The following VPS51 variants were observed in gnomAD, a reference collection of about 807,000 sequenced individuals.
VPS51 encodes the protein vacuolar protein sorting-associated protein 51 homolog.
A neutral mutation model predicts 65.1 loss-of-function variants in VPS51; 55 were observed. That is an observed-to-expected ratio of 0.84 (90% confidence interval 0.68 to 1.06). The LOEUF is 1.06. VPS51 is among the 50% of genes least tolerant of loss of function. The pLI, the probability that VPS51 is intolerant of heterozygous loss-of-function variation, is 0.00. For synonymous variants in VPS51, 473 were observed against 489.5 expected (o/e 0.97, Z 0.44); for missense variants, 943 against 1,101.6 (o/e 0.86, Z 2.04).
chr11:65,099,885 C>T (rs1947796789), intron 2 of VPS51, among the ~76,000 whole-genome samples: 1 of 152,124 alleles, frequency 6.6e-6, no homozygotes, highest in African/African-American at 2.4e-5. Context: ...GGTGGATCAT[C>T]TGAGGTCAGG....
rs1167617231 is a variant in VPS51 at position 65,111,592 on chromosome 11, A to AGCCGCTGCCATGCACC, written c.*7_*22dup. The AGCCGCTGCCATGCACC allele has an allele frequency of 1.3e-6, 2 of 1,599,052 alleles. No homozygotes were observed. The highest frequency in any genetic ancestry group is 2.7e-5 in the African/African-American group (2 of 74,678). ...GTCATCTGCGAGCGCGGCTAGGCGC[A>AGCCGCTGCCATGCACC]GCCGCTGCCATGCACCGGTCTGTCC... On this transcript the variant is annotated 3_prime_UTR_variant, in exon 10 of 10. Transcript: ENST00000279281.
chr11:65,109,181 G>A (rs557845230), intron 5 of VPS51, 99 bp from the exon 6 acceptor site: 12 of 1,315,230 alleles, frequency 9.1e-6, no homozygotes, highest in Non-Finnish European at 1.3e-5. Flanking sequence ...GCTGTCCCTT[G>A]CAGAGGGGGC....
At position 65,108,878 on chromosome 11, in the gene VPS51, C is replaced by T; in HGVS notation, c.1407C>T (p.Ala469=). 1 of 1,613,060 alleles carries T rather than the reference C, an allele frequency of 6.2e-7. No individual in the cohort carries two copies. Among genetic ancestry groups the T allele is most frequent in the East Asian group, 2.2e-5 (1 of 44,876 alleles). Residue 469 remains alanine, a synonymous_variant, in exon 5 of 10, where the codon GCC becomes GCT. Transcript: ENST00000279281. ...TGGCAGCAGTGCACCTTTTCACCGCCAAAGAGGTGTCCTTCTCCAACAAGC... is the reference window on the plus strand; with the variant it reads ...TGGCAGCAGTGCACCTTTTCACCGCTAAAGAGGTGTCCTTCTCCAACAAGC... ...ASLAAVHLFT[A]KEVSFSNKPY... is the part of the protein sequence containing the mutation.
intron 2 of VPS51, among the ~76,000 whole-genome samples, chr11:65,102,668 C>T (rs1443809840): frequency 1.3e-5 from 2 of 152,190 alleles, no homozygotes; most frequent in African/African-American, 2.4e-5. Context: ...GTAAACAAAA[C>T]CAGTAATTCA....
rs184432473 is a variant in VPS51 at position 65,101,255 on chromosome 11, A to G, written c.358+4128A>G. ...TAAAAACCACTGAATTGGTATGTCA[A>G]TTATATCCCAATTAAAAAGAAAACC... On this transcript the variant is annotated intron_variant, in intron 2 of 9. Transcript: ENST00000279281. Among the ~76,000 whole-genome samples the G allele has an allele frequency of 1.3e-3, 195 of 152,334 alleles. 1 individual carries two copies. The highest frequency in any genetic ancestry group is 4.6e-3 in the African/African-American group (190 of 41,568).
Position 65,107,707 on chromosome 11 carries a change from A to T in VPS51, c.485A>T (p.Glu162Val). The T allele has an allele frequency of 6.2e-7, 1 of 1,609,242 alleles. No homozygotes were observed. The highest frequency in any genetic ancestry group is 8.5e-7 in the Non-Finnish European group (1 of 1,177,170). The change falls in exon 3 of 10, where the codon GAG becomes GTG. Residue 162 changes from glutamate (E) to valine (V), a missense_variant. Around this residue, in one of 2 missense-constraint regions of VPS51, gnomAD observed 855 missense variants for 953.7 expected, o/e 0.90. Transcript: ENST00000279281. The surrounding 1 kb of genome is among the most constrained non-coding windows in gnomAD (Gnocchi z 4.0). ...RISATLQDRH[E>V]RITKLAGVHA... ...AGCGCCACGCTGCAGGACCGCCACGAGCGCATCACCAAGCTGGCAGGTGGG... is the reference window on the plus strand; with the variant it reads ...AGCGCCACGCTGCAGGACCGCCACGTGCGCATCACCAAGCTGGCAGGTGGG...
rs750900091 is a variant in VPS51, at chr11:65,109,439, G to C, written c.1603G>C (p.Glu535Gln). ...GCTCTCCCGCCTCTGCCTGGACTAC[G>C]AGACGGCCACCATCTCCTACATCCT... ...LLLSRLCLDYETATISYILTL... is the reference protein window; with the variant it reads ...LLLSRLCLDYQTATISYILTL... The change falls in exon 6 of 10, where the codon GAG becomes CAG. Residue 535 changes from glutamate to glutamine, a missense_variant. This residue lies in a region of VPS51 where 855 missense variants were observed against 953.7 expected (regional missense o/e 0.90). Coordinates refer to ENST00000279281, the MANE Select transcript of VPS51 (RefSeq NM_013265.4). 3.1e-6 allele frequency: 5 copies of C among 1,609,472 alleles called. No individual in the cohort carries two copies. The highest frequency in any genetic ancestry group is 1.7e-5 in the Admixed American group (1 of 60,018).
chr11:65,096,499 G>A (rs770215985), intron 1 of VPS51, 21 bp downstream of exon 1: 6 of 1,127,542 alleles, frequency 5.3e-6, no homozygotes, highest in Non-Finnish European at 5.9e-6. Flanking sequence ...ACGGGGAGTG[G>A]GGGGGTGCGG....
At chr11:65,098,826 G>A (rs942103857) in intron 2 of VPS51, among the ~76,000 whole-genome samples, 1 of 152,148 alleles carries the variant, frequency 6.6e-6, no homozygotes, top group African/African-American at 2.4e-5. Flanking sequence ...AGCTCTTTTT[G>A]TACATCCCAC....
chr11:65,098,792 G>A (rs1452518537), intron 2 of VPS51, among the ~76,000 whole-genome samples: 2 of 152,226 alleles, frequency 1.3e-5, no homozygotes, highest in African/African-American at 2.4e-5. Flanking sequence ...TTGTTGGAAT[G>A]TGTATAATAA....
rs894797190 is a variant in VPS51 at position 65,107,412 on chromosome 11, C to G, written c.359-169C>G. The G allele has an allele frequency of 1.9e-5, 14 of 752,500 alleles. No homozygotes were observed. The highest frequency in any genetic ancestry group is 2.6e-4 in the Middle Eastern group (1 of 3,842). The allele number at this position is 752,500 out of a possible 1,614,324, so 46.6% of individuals were successfully genotyped here. The stretch of plus-strand genomic sequence containing the variant: ...CTTTGGGAACATAAACCCCCTCCCC[C>G]GCCCCCATGTGCGCTGTGACCCACG... On this transcript the variant is annotated intron_variant, in intron 2 of 9. Transcript: ENST00000279281. This position sits in a 1 kb window ranked among gnomAD's most constrained non-coding sequence, Gnocchi z 4.0.
In VPS51 at chr11:65,110,795, C is replaced by A; in HGVS notation, c.2088+14C>A. 6.2e-7 allele frequency: 1 copy of A among 1,614,064 alleles called. No homozygotes were observed. Among genetic ancestry groups the A allele is most frequent in the Non-Finnish European group, 8.5e-7 (1 of 1,179,972 alleles). On this transcript the variant is annotated intron_variant, in intron 9 of 9. Transcript: ENST00000279281. ...GAGTTCAACAAGGTCCGACTTCCAA[C>A]GTGACTCAGACTTCCAGGGATCCCG...
Position 65,107,563 on chromosome 11 carries a change from C to A in VPS51, c.359-18C>A, listed in dbSNP as rs1306353911. On this transcript the variant is annotated intron_variant, in intron 2 of 9. Transcript: ENST00000279281. This position sits in a 1 kb window ranked among gnomAD's most constrained non-coding sequence, Gnocchi z 4.0. ...GCAGTCACCTGCTCTCCCCTTTTCCCCGCCCCTGCCCTCCTAGACACCATC... is the reference window on the plus strand; with the variant it reads ...GCAGTCACCTGCTCTCCCCTTTTCCACGCCCCTGCCCTCCTAGACACCATC... 6 of 1,565,016 alleles carry A rather than the reference C, an allele frequency of 3.8e-6. No homozygotes were observed. The African/African-American group carries it at 6.7e-5, about 18-fold the overall frequency.
intron 9 of VPS51, chr11:65,111,041 C>A: frequency 1.5e-6 from 1 of 675,866 alleles, no homozygotes; most frequent in South Asian, 1.7e-5. Flanking sequence ...TTGTCCTTAT[C>A]CCCACAGTAG....
rs1170357525 is a variant in VPS51 at position 65,108,652 on chromosome 11, C to G, written c.1181C>G (p.Ala394Gly). 1 of 1,555,206 alleles carries G rather than the reference C, an allele frequency of 6.4e-7. No individual in the cohort carries two copies. Among genetic ancestry groups the G allele is most frequent in the East Asian group, 2.4e-5 (1 of 42,522 alleles). The change falls in exon 5 of 10, where the codon GCT (alanine) becomes GGT (glycine). Residue 394 changes from alanine (A) to glycine (G), a missense_variant. Physicochemically the swap from Ala to Gly is moderately conservative, Grantham distance 60. Around this residue, in one of 2 missense-constraint regions of VPS51, gnomAD observed 855 missense variants for 953.7 expected, o/e 0.90. Transcript: ENST00000279281. ...ALLAAAGLAD[A>G]ATEIVERVAR... The stretch of plus-strand genomic sequence containing the variant: ...CTGGCCGCTGCCGGGCTCGCAGACG[C>G]TGCCACGGAGATCGTGGAACGAGTG...
chr11:65,100,293 A>C (rs1947799478), intron 2 of VPS51, among the ~76,000 whole-genome samples: 1 of 152,192 alleles, frequency 6.6e-6, no homozygotes, highest in Admixed American at 6.5e-5. Context: ...TTCTCCAGAG[A>C]AAACATACAA....
intron 2 of VPS51, chr11:65,105,573 G>C (rs1050153380): frequency 6.6e-6 from 1 of 152,124 alleles, no homozygotes; most frequent in Admixed American, 6.6e-5. Context: ...CACACACCAA[G>C]CAGCAGACAC....
In VPS51 at chr11:65,111,724, C is replaced by T; in HGVS notation, c.*137C>T. ...TGGCCTCCTCCTCTCGCTTGCTGGG[C>T]GGGCCTTTCCGGGGGCGGGGTTTTG... On this transcript the variant is annotated 3_prime_UTR_variant, in exon 10 of 10. Transcript: ENST00000279281. The T allele has an allele frequency of 7.4e-7, 1 of 1,351,834 alleles. No individual in the cohort carries two copies. Among genetic ancestry groups the T allele is most frequent in the Non-Finnish European group, 9.8e-7 (1 of 1,022,906 alleles). 83.7% of individuals were successfully genotyped at this position (1,351,834 alleles called of 1,614,324 possible).
At chr11:65,096,789 A>G (rs1947773392) in intron 1 of VPS51, 4 of 770,082 alleles carry the variant, frequency 5.2e-6, no homozygotes, top group South Asian at 3.7e-5. Flanking sequence ...CAGGATTTCA[A>G]ATGCTGACAA....
Sources: allele counts gnomAD v4.1 joint callset (sites outside exome capture counted in the v4.1 genomes callset), GRCh38; gene constraint gnomAD v4.1.1; regional missense constraint gnomAD v4.1.1; non-coding constraint Gnocchi (gnomAD v3.1); transcripts MANE v1.5; gene names NCBI Gene and HGNC (gene_info 2026-07-23, HGNC 2026-07-21).